The following ACOT7 variants were observed in gnomAD, a reference collection of about 807,000 sequenced individuals.
ACOT7 encodes the protein acyl-CoA thioesterase 7.
Under a neutral mutation model 40.2 loss-of-function variants are expected in ACOT7, and 12 were observed. The ratio of observed to expected loss-of-function variants is 0.30; its 90% CI spans 0.19 to 0.48. The LOEUF (loss-of-function observed/expected upper bound fraction) is 0.48. Ranked by LOEUF, ACOT7 falls within the 20% of genes least tolerant of loss-of-function variation. ACOT7 has a pLI of 0.99. For synonymous variants in ACOT7, 228 were observed against 219.5 expected (o/e 1.04, Z -0.34); for missense variants, 395 against 530.8 (o/e 0.74, Z 2.51).
At chr1:6,383,767 C>T (rs1214750119) in intron 1 of ACOT7, among the ~76,000 whole-genome samples, 4 of 151,452 alleles carry the variant, frequency 2.6e-5, no homozygotes, top group Admixed American at 2.0e-4. Context: ...TGCAGTGGCA[C>T]GATCTTGGCT....
chr1:6,309,022 C>T (rs1010998403), intron 6 of ACOT7, among the ~76,000 whole-genome samples: 1 of 152,254 alleles, frequency 6.6e-6, no homozygotes, highest in African/African-American at 2.4e-5. Flanking sequence ...ACCGCCAAGG[C>T]CGATCAACAG....
rs1224707205 is a variant in ACOT7, at chr1:6,311,768, C to T, written c.712+6724G>A. On this transcript the variant is annotated intron_variant, in intron 6 of 8. Transcript: ENST00000361521. This position sits in a 1 kb window ranked among gnomAD's most constrained non-coding sequence, Gnocchi z 5.2. Reference sequence around the variant, plus strand: ...ACTCATGGACACACGAGTCCAGGAGCGCCCCTTTCTCACAGCCGTTTCTCT... The same window carrying T: ...ACTCATGGACACACGAGTCCAGGAGTGCCCCTTTCTCACAGCCGTTTCTCT... 2.0e-5 allele frequency among the ~76,000 whole-genome samples: 3 copies of T among 152,194 alleles called. No individual in the cohort carries two copies. Among genetic ancestry groups the T allele is most frequent in the Non-Finnish European group, 4.4e-5 (3 of 68,032 alleles).
chr1:6,336,643 G>A (rs1641109922), intron 3 of ACOT7, among the ~76,000 whole-genome samples: 1 of 152,106 alleles, frequency 6.6e-6, no homozygotes, highest in Non-Finnish European at 1.5e-5. Context: ...CCGGGCCAGG[G>A]TCCCCGCGCG....
In ACOT7 at chr1:6,303,685, A is replaced by G. The variant is rs1375247599; in HGVS notation, c.713-8705T>C. On this transcript the variant is annotated intron_variant, in intron 6 of 8. Coordinates refer to ENST00000361521, the MANE Select transcript of ACOT7 (RefSeq NM_007274.4). Reference sequence around the variant, plus strand: ...AATGATAGTAACTTCATCTTGTTTTAAATACCCCACCCGTTAGTAATTACA... The same window carrying G: ...AATGATAGTAACTTCATCTTGTTTTGAATACCCCACCCGTTAGTAATTACA... Among the ~76,000 whole-genome samples the G allele has an allele frequency of 4.6e-5, 7 of 152,320 alleles. No individual in the cohort carries two copies. In the East Asian group the frequency reaches 1.2e-3, roughly 25 times the overall value.
chr1:6,310,792 C>T (rs1483124113), intron 6 of ACOT7, among the ~76,000 whole-genome samples: 2 of 152,164 alleles, frequency 1.3e-5, no homozygotes, highest in Non-Finnish European at 2.9e-5. Context: ...GGATGGAGTG[C>T]AGTGGTATGA....
chr1:6,339,894 G>A (rs1370426711), intron 2 of ACOT7, among the ~76,000 whole-genome samples: 1 of 129,922 alleles, frequency 7.7e-6, no homozygotes, highest in East Asian at 2.3e-4. Flanking sequence ...CGCCCGCTGG[G>A]ACTACAGCGG....
At chr1:6,298,964 G>T (rs1455607276) in intron 6 of ACOT7, among the ~76,000 whole-genome samples, 1 of 152,230 alleles carries the variant, frequency 6.6e-6, no homozygotes, top group Non-Finnish European at 1.5e-5. Context: ...ACCACAGTGT[G>T]GTTCAGGAGC....
chr1:6,314,138 G>C (rs1195232408), intron 6 of ACOT7, among the ~76,000 whole-genome samples: 7 of 152,190 alleles, frequency 4.6e-5, no homozygotes, highest in Non-Finnish European at 8.8e-5. Context: ...AGAGCTGCTG[G>C]AGGGCACAGA....
In ACOT7 at chr1:6,275,929, T is replaced by TAA. The variant is rs1039924630; in HGVS notation, c.1014+5171_1014+5172dup. Among the ~76,000 whole-genome samples the TAA allele has an allele frequency of 3.9e-5, 6 of 152,114 alleles. No homozygotes were observed. Among genetic ancestry groups the TAA allele is most frequent in the African/African-American group, 1.4e-4 (6 of 41,412 alleles). ...TGCTTTGCAAAGACCCTGCCCTGCATAATGTGGTTGCACAGTTGGAGCCTC... is the reference window on the plus strand; with the variant it reads ...TGCTTTGCAAAGACCCTGCCCTGCATAAAATGTGGTTGCACAGTTGGAGCCTC... On this transcript the variant is annotated intron_variant, in intron 8 of 8. Coordinates refer to ENST00000361521, the MANE Select transcript of ACOT7 (RefSeq NM_007274.4). The surrounding 1 kb of genome is among the most constrained non-coding windows in gnomAD (Gnocchi z 5.6).
rs1571290220 is a variant in ACOT7, at chr1:6,305,320, C to T, written c.713-10340G>A. ...GGGGCTCCTCACTTCCCAGTAGGGG[C>T]GGCCGGGCAGAGGCGCCCCTCACCT... On this transcript the variant is annotated intron_variant, in intron 6 of 8. Transcript: ENST00000361521. Among the ~76,000 whole-genome samples the T allele has an allele frequency of 2.4e-5, 3 of 125,534 alleles. No individual in the cohort carries two copies. In the East Asian group the frequency reaches 6.7e-4, roughly 28 times the overall value. 82.4% of individuals were successfully genotyped at this position (125,534 alleles called of 152,430 possible). A position where few individuals can be genotyped will look rare whatever the true frequency, so the allele number is the denominator to read the frequency against.
intron 6 of ACOT7, among the ~76,000 whole-genome samples, chr1:6,307,269 T>C (rs1640182707): frequency 6.6e-6 from 1 of 152,246 alleles, no homozygotes; most frequent in African/African-American, 2.4e-5. Flanking sequence ...ACGTGCAGCC[T>C]GGCACAATCC....
At chr1:6,387,280 A>G (rs769906975) in intron 1 of ACOT7, among the ~76,000 whole-genome samples, 4 of 152,168 alleles carry the variant, frequency 2.6e-5, no homozygotes, top group Non-Finnish European at 4.4e-5. Flanking sequence ...GTACGTTTCA[A>G]ATATTCTTGT....
At chr1:6,272,283 C>T (rs1415243794) in intron 8 of ACOT7, among the ~76,000 whole-genome samples, 1 of 152,204 alleles carries the variant, frequency 6.6e-6, no homozygotes, top group Non-Finnish European at 1.5e-5. Context: ...AAATGAAGAT[C>T]AAAAAGGCTT....
intron 1 of ACOT7, among the ~76,000 whole-genome samples, chr1:6,365,659 T>C (rs1641993380): frequency 6.6e-6 from 1 of 151,046 alleles, no homozygotes; most frequent in Non-Finnish European, 1.5e-5. Flanking sequence ...TCCCAGCTAC[T>C]CGGGAGGCTG....
chr1:6,265,100 C>T (rs1638780316), intron 8 of ACOT7, among the ~76,000 whole-genome samples: 2 of 152,160 alleles, frequency 1.3e-5, no homozygotes, highest in Non-Finnish European at 2.9e-5. Flanking sequence ...TACTGGACTT[C>T]GGTGGAAAAT....
At chr1:6,266,751 G>A (rs570906395) in intron 8 of ACOT7, among the ~76,000 whole-genome samples, 1 of 152,402 alleles carries the variant, frequency 6.6e-6, no homozygotes, top group South Asian at 2.1e-4. Flanking sequence ...CAAGGCCGAG[G>A]CTCAGCAGAG....
intron 6 of ACOT7, among the ~76,000 whole-genome samples, chr1:6,317,657 G>A (rs1640530001): frequency 6.6e-6 from 1 of 152,018 alleles, no homozygotes; most frequent in African/African-American, 2.4e-5. Flanking sequence ...GGCTGCATGT[G>A]AGCCTCCCCA....
intron 1 of ACOT7, chr1:6,360,712 A>C (rs928346085): frequency 7.4e-6 from 12 of 1,613,166 alleles, no homozygotes; most frequent in Non-Finnish European, 9.3e-6. Flanking sequence ...GAACTCAAGG[A>C]ATGAGCCTGG....
intron 7 of ACOT7, among the ~76,000 whole-genome samples, chr1:6,290,334 A>G (rs1639629503): frequency 6.6e-6 from 1 of 152,214 alleles, no homozygotes; most frequent in Non-Finnish European, 1.5e-5. Flanking sequence ...TGGAGGCCAC[A>G]TGACTGGCAA....
Sources: allele counts gnomAD v4.1 joint callset (sites outside exome capture counted in the v4.1 genomes callset), GRCh38; gene constraint gnomAD v4.1.1; non-coding constraint Gnocchi (gnomAD v3.1); transcripts MANE v1.5; gene names NCBI Gene and HGNC (gene_info 2026-07-23, HGNC 2026-07-21).